OSBPL5: variants seen among roughly 807,000 people sequenced by gnomAD.
OSBPL5 encodes the protein oxysterol binding protein like 5, also known as oxysterol-binding protein-related protein 5.
In OSBPL5, 71 loss-of-function variants were observed where a neutral mutation model predicts 111.2. The ratio of observed to expected loss-of-function variants is 0.64; its 90% CI spans 0.53 to 0.78. The LOEUF (loss-of-function observed/expected upper bound fraction) is 0.78. OSBPL5 is among the 30% of genes least tolerant of loss of function. OSBPL5 has a pLI of 0.00. For missense variants in OSBPL5, 1,210 were observed against 1,189.3 expected, an observed-to-expected ratio of 1.02 and a Z score of -0.26; for synonymous variants, 549 against 513.9, an observed-to-expected ratio of 1.07 and a Z score of -0.93.
intron 1 of OSBPL5, among the ~76,000 whole-genome samples, chr11:3,151,600 C>G (rs921898711): frequency 6.6e-6 from 1 of 152,208 alleles, no homozygotes; most frequent in East Asian, 1.9e-4. Context: ...GAAGATGAAG[C>G]CTCATGTACC....
rs976684032 is a variant in OSBPL5, at chr11:3,106,112, T to C, written c.1059+1151A>G. 3.3e-5 allele frequency among the ~76,000 whole-genome samples: 5 copies of C among 151,298 alleles called. No individual in the cohort carries two copies. The highest frequency in any genetic ancestry group is 4.9e-5 in the African/African-American group (2 of 41,088). On this transcript the variant is annotated intron_variant, in intron 9 of 21. Coordinates refer to ENST00000263650, the MANE Select transcript of OSBPL5 (RefSeq NM_020896.4). The surrounding 1 kb of genome is among the most constrained non-coding windows in gnomAD (Gnocchi z 8.4). Reference sequence around the variant, plus strand: ...CCATAGGCCCATCCTAACCTTCCCATCCCCGCACAGGAGCCTGAGCTCTGT... The same window carrying C: ...CCATAGGCCCATCCTAACCTTCCCACCCCCGCACAGGAGCCTGAGCTCTGT...
chr11:3,128,780 C>A (rs1858723487), intron 2 of OSBPL5, among the ~76,000 whole-genome samples: 1 of 152,184 alleles, frequency 6.6e-6, no homozygotes, highest in Admixed American at 6.5e-5. Context: ...AAAGCCTGGG[C>A]TGTGGGAACC....
chr11:3,093,875 G>C, intron 15 of OSBPL5, 40 bp from the exon 16 acceptor site: 1 of 1,583,420 alleles, frequency 6.3e-7, no homozygotes, highest in South Asian at 1.1e-5. Flanking sequence ...GTGAGCGGGG[G>C]CTGGGGCCTC....
intron 1 of OSBPL5, among the ~76,000 whole-genome samples, chr11:3,133,989 G>C (rs971340947): frequency 6.6e-6 from 1 of 152,048 alleles, no homozygotes; most frequent in Non-Finnish European, 1.5e-5. Flanking sequence ...TGGTGGGGGG[G>C]GGGTCACTAG....
chr11:3,119,782 G>C, intron 6 of OSBPL5, 151 bp from the exon 7 acceptor site: 1 of 624,202 alleles, frequency 1.6e-6, no homozygotes, highest in South Asian at 2.1e-5. Flanking sequence ...CACCTGGCCA[G>C]GTAGACACTT....
At chr11:3,096,687 T>C (rs191282294) in intron 14 of OSBPL5, among the ~76,000 whole-genome samples, 54 of 151,302 alleles carry the variant, frequency 3.6e-4, no homozygotes, top group Non-Finnish European at 5.7e-4. Context: ...TAAAATAAAA[T>C]AAAATACACA....
At chr11:3,120,656 C>T (rs779437345) in intron 5 of OSBPL5, 32 bp from the exon 6 acceptor site, 1 of 1,603,616 alleles carries the variant, frequency 6.2e-7, no homozygotes, top group East Asian at 2.2e-5. Flanking sequence ...CGATGCCCAC[C>T]CTCTGGGGCC....
At position 3,119,569 on chromosome 11, in the gene OSBPL5, G is replaced by A. The variant is rs138528121; in HGVS notation, c.669C>T (p.Phe223=). The A allele has an allele frequency of 1.1e-5, 17 of 1,580,380 alleles. No homozygotes were observed. The highest frequency in any genetic ancestry group is 4.2e-5 in the African/African-American group (3 of 72,016). Residue 223 remains phenylalanine (F), a synonymous_variant, in exon 7 of 22, where the codon TTC becomes TTT. Transcript: ENST00000263650. The part of the protein sequence containing the change: ...TQPLPSSYLI[F]RAASESDGRC... Reference sequence around the variant, plus strand: ...CACCATCTGACTCGGAGGCGGCCCTGAAGATCAGGTAGCTGCTGGGCAGGG... The same window carrying A: ...CACCATCTGACTCGGAGGCGGCCCTAAAGATCAGGTAGCTGCTGGGCAGGG...
chr11:3,095,263 A>T (rs1482246063), intron 14 of OSBPL5, among the ~76,000 whole-genome samples: 1 of 150,654 alleles, frequency 6.6e-6, no homozygotes, highest in Non-Finnish European at 1.5e-5. Flanking sequence ...GTGAGCCAAG[A>T]TCACACCACT....
At position 3,119,547 on chromosome 11, in the gene OSBPL5, C is replaced by A; in HGVS notation, c.691G>T (p.Gly231Cys). 1 of 1,573,830 alleles carries A rather than the reference C, an allele frequency of 6.4e-7. No individual in the cohort carries two copies. The highest frequency in any genetic ancestry group is 8.6e-7 in the Non-Finnish European group (1 of 1,164,588). Residue 231 changes from glycine to cysteine, a missense_variant and splice_region_variant, in exon 7 of 22, where the codon GGT becomes TGT. Coordinates refer to ENST00000263650, the MANE Select transcript of OSBPL5 (RefSeq NM_020896.4). ...GATGCGCAAGCTGGCAGGGACTCAC[C>A]ATCTGACTCGGAGGCGGCCCTGAAG... ...LIFRAASESD[G>C]RCWLDALELA...
At chr11:3,088,934 C>T (rs555330350) in intron 21 of OSBPL5, among the ~76,000 whole-genome samples, 3 of 152,160 alleles carry the variant, frequency 2.0e-5, no homozygotes, top group Non-Finnish European at 2.9e-5. Context: ...GTCCGAGCCC[C>T]TTGCCGGCAG....
At chr11:3,112,124 T>TATGTGTGTGC (rs1858015075) in intron 7 of OSBPL5, among the ~76,000 whole-genome samples, 1 of 148,490 alleles carries the variant, frequency 6.7e-6, no homozygotes, top group South Asian at 2.1e-4. Flanking sequence ...TGTGTGTGTG[T>TATGTGTGTGC]GCGCATATGT....
rs1335249787 is a variant in OSBPL5, at chr11:3,088,054, G to A, written c.*151C>T. 5 of 669,824 alleles carry A rather than the reference G, an allele frequency of 7.5e-6. No individual in the cohort carries two copies. Among genetic ancestry groups the A allele is most frequent in the African/African-American group, 1.9e-5 (1 of 53,502 alleles). 41.5% of individuals were successfully genotyped at this position (669,824 alleles called of 1,614,324 possible). A position where few individuals can be genotyped will look rare whatever the true frequency, so the allele number is the denominator to read the frequency against. ...GGCCCAGCACACCTGGGCCCGCAGC[G>A]CCTTGTGGCCCCGGGTCCCTCCTGC... On this transcript the variant is annotated 3_prime_UTR_variant, in exon 22 of 22. Coordinates refer to ENST00000263650, the MANE Select transcript of OSBPL5 (RefSeq NM_020896.4).
At chr11:3,124,219 A>G (rs1858521288) in intron 3 of OSBPL5, among the ~76,000 whole-genome samples, 1 of 152,156 alleles carries the variant, frequency 6.6e-6, no homozygotes, top group African/African-American at 2.4e-5. Flanking sequence ...CTGGGACTGA[A>G]CCCAGGCAGT....
chr11:3,144,521 G>A lies in OSBPL5; in HGVS notation c.-21-15352C>T, dbSNP rs1173479473. Reference sequence around the variant, plus strand: ...CCGTGGCCGGGACCAGCTGACCTCTGCAGGGGAGTGCGGGCTGGGCCTGGC... The same window carrying A: ...CCGTGGCCGGGACCAGCTGACCTCTACAGGGGAGTGCGGGCTGGGCCTGGC... On this transcript the variant is annotated intron_variant, in intron 1 of 21. Coordinates refer to ENST00000263650, the MANE Select transcript of OSBPL5 (RefSeq NM_020896.4). Among the ~76,000 whole-genome samples the A allele has an allele frequency of 1.8e-4, 27 of 152,248 alleles. 1 individual carries two copies. The highest frequency in any genetic ancestry group is 1.8e-3 in the Admixed American group (27 of 15,288).
Position 3,107,839 on chromosome 11 carries a change from G to C in OSBPL5, c.798C>G (p.Asp266Glu), listed in dbSNP as rs754521552. ...GCCCACAGAGCGATGAGGGTGATGCGTCTGGCGAGGTCCCTGGCTCCCCGT... is the reference window on the plus strand; with the variant it reads ...GCCCACAGAGCGATGAGGGTGATGCCTCTGGCGAGGTCCCTGGCTCCCCGT... The part of the protein sequence containing the change: ...GRDGEPGTSP[D>E]ASPSSLCGLP... The change falls in exon 8 of 22, where the codon GAC becomes GAG. Residue 266 changes from aspartate to glutamate, a missense_variant. Transcript: ENST00000263650. The surrounding 1 kb of genome is among the most constrained non-coding windows in gnomAD (Gnocchi z 6.1). 2 of 1,611,794 alleles carry C rather than the reference G, an allele frequency of 1.2e-6. No homozygotes were observed. The highest frequency in any genetic ancestry group is 1.6e-4 in the Middle Eastern group (1 of 6,062).
rs969553433 is a variant in OSBPL5 at position 3,093,756 on chromosome 11, C to G, written c.1799G>C (p.Ser600Thr). 6.2e-7 allele frequency: 1 copy of G among 1,613,146 alleles called. No individual in the cohort carries two copies. Among genetic ancestry groups the G allele is most frequent in the East Asian group, 2.2e-5 (1 of 44,858 alleles). ...TSGEEVLASL[S>T]GHWDRDVFIK... is the part of the protein sequence containing the mutation. ...GGGACGGCCCCTTACCCAGTGGCCA[C>G]TGAGGCTCGCCAGGACTTCCTCTCC... The change falls in exon 16 of 22, where the codon AGT (serine) becomes ACT (threonine). Residue 600 changes from serine (S) to threonine (T), a missense_variant. Ser to Thr is a moderately conservative substitution (Grantham distance 58, BLOSUM62 1). Coordinates refer to ENST00000263650, the MANE Select transcript of OSBPL5 (RefSeq NM_020896.4).
In OSBPL5 at chr11:3,092,124, G is replaced by C. The variant is rs74048796; in HGVS notation, c.2259+308C>G. 6.6e-6 allele frequency among the ~76,000 whole-genome samples: 1 copy of C among 152,264 alleles called. No individual in the cohort carries two copies. Among genetic ancestry groups the C allele is most frequent in the African/African-American group, 2.4e-5 (1 of 41,542 alleles). On this transcript the variant is annotated intron_variant, in intron 19 of 21. Coordinates refer to ENST00000263650, the MANE Select transcript of OSBPL5 (RefSeq NM_020896.4). The surrounding 1 kb of genome is among the most constrained non-coding windows in gnomAD (Gnocchi z 5.4). ...GGGCCCTGGGCTGCCCTGACCTTCT[G>C]TTTCCTGATCAGTGGAATGGGATAA... is the stretch of plus-strand genomic sequence containing the variant.
At chr11:3,095,633 T>C (rs543560100) in intron 14 of OSBPL5, among the ~76,000 whole-genome samples, 1 of 152,264 alleles carries the variant, frequency 6.6e-6, no homozygotes, top group East Asian at 1.9e-4. Context: ...TATCAAATAA[T>C]ACGTGGCAAT....
Sources: gnomAD v4.1 joint callset for allele counts (sites outside exome capture counted in the v4.1 genomes callset) on GRCh38, gnomAD v4.1.1 for gene constraint, Gnocchi (gnomAD v3.1) non-coding constraint, MANE v1.5 for transcripts, NCBI Gene and HGNC (gene_info 2026-07-23, HGNC 2026-07-21) for gene names.